The following MMS19 variants were observed in gnomAD, a reference collection of about 807,000 sequenced individuals.
MMS19 encodes the protein MMS19 cytosolic iron-sulfur assembly component.
Under a neutral mutation model 129.8 loss-of-function variants are expected in MMS19, and 77 were observed. The observed-to-expected ratio is 0.59, with a 90% confidence interval of 0.49 to 0.72. The LOEUF (loss-of-function observed/expected upper bound fraction) is 0.72, where lower values mean the gene tolerates loss of function less well. MMS19 is among the 30% of genes least tolerant of loss of function. MMS19 has a pLI of 0.00. For synonymous variants in MMS19, 491 were observed against 502.8 expected, an observed-to-expected ratio of 0.98 and a Z score of 0.31; for missense variants, 1,168 against 1,266.3, an observed-to-expected ratio of 0.92 and a Z score of 1.18.
chr10:97,464,761 G>T (rs558533313), intron 18 of MMS19, among the ~76,000 whole-genome samples: 1 of 151,142 alleles, frequency 6.6e-6, no homozygotes, highest in African/African-American at 2.4e-5. Context: ...GCAATGGAGC[G>T]ATCTCGGCTT....
At position 97,498,283 on chromosome 10, in the gene MMS19, C is replaced by T. The variant is rs775385641; in HGVS notation, c.102G>A (p.Gln34=). The T allele has an allele frequency of 6.4e-7, 1 of 1,567,184 alleles. No individual in the cohort carries two copies. Among genetic ancestry groups the T allele is most frequent in the Non-Finnish European group, 8.6e-7 (1 of 1,163,770 alleles). ...CGCCGTCTGCCGTACCTGCAGCCACCTGGTCAGCGGGGCCCTCTTGCTGAC... is the reference window on the plus strand; with the variant it reads ...CGCCGTCTGCCGTACCTGCAGCCACTTGGTCAGCGGGGCCCTCTTGCTGAC... ...VVGQQEGPAD[Q]VAADVKSGNY... Residue 34 remains glutamine, a synonymous_variant, in exon 1 of 31, where the codon CAG becomes CAA. Transcript: ENST00000438925.
intron 23 of MMS19, chr10:97,461,248 C>A: frequency 1.6e-6 from 1 of 608,214 alleles, no homozygotes; most frequent in Non-Finnish European, 2.9e-6. Flanking sequence ...CCACACTAGC[C>A]CCACTGTAGG....
At chr10:97,468,567 A>C (rs1465858688) in intron 12 of MMS19, among the ~76,000 whole-genome samples, 161 bp from the exon 13 acceptor site, 1 of 152,194 alleles carries the variant, frequency 6.6e-6, no homozygotes, top group Non-Finnish European at 1.5e-5. Context: ...CAAATCACCA[A>C]ATATGTTGGG....
At position 97,484,094 on chromosome 10, in the gene MMS19, G is replaced by A; in HGVS notation, c.161+9C>T. 1.3e-6 allele frequency: 2 copies of A among 1,531,986 alleles called. No individual in the cohort carries two copies. Among genetic ancestry groups the A allele is most frequent in the Non-Finnish European group, 1.8e-6 (2 of 1,127,028 alleles). The allele number at this position is 1,531,986 out of a possible 1,614,324, so 94.9% of individuals were successfully genotyped here. A position where few individuals can be genotyped will look rare whatever the true frequency, so the allele number is the denominator to read the frequency against. Reference sequence around the variant, plus strand: ...TTGGAGAAGAACATTCTATAGCAGAGGCTCTTACCCAAGGGCTTCCACAAC... The same window carrying A: ...TTGGAGAAGAACATTCTATAGCAGAAGCTCTTACCCAAGGGCTTCCACAAC... On this transcript the variant is annotated intron_variant, in intron 2 of 30. Coordinates refer to ENST00000438925, the MANE Select transcript of MMS19 (RefSeq NM_022362.5).
At chr10:97,497,376 A>C (rs2039993660) in intron 1 of MMS19, among the ~76,000 whole-genome samples, 1 of 152,198 alleles carries the variant, frequency 6.6e-6, no homozygotes, top group African/African-American at 2.4e-5. Context: ...TAATACGCTC[A>C]ATATCCAAGA....
At position 97,458,669 on chromosome 10, in the gene MMS19, C is replaced by A; in HGVS notation, c.*23G>T. Reference sequence around the variant, plus strand: ...GTAATCCCAGGTTAGATTGTCAGAACAGTCTAGGCCAGGACTGAGGGCTCA... The same window carrying A: ...GTAATCCCAGGTTAGATTGTCAGAAAAGTCTAGGCCAGGACTGAGGGCTCA... On this transcript the variant is annotated 3_prime_UTR_variant, in exon 31 of 31. Coordinates refer to ENST00000438925, the MANE Select transcript of MMS19 (RefSeq NM_022362.5). The A allele has an allele frequency of 6.3e-7, 1 of 1,597,640 alleles. No individual in the cohort carries two copies. The highest frequency in any genetic ancestry group is 8.5e-7 in the Non-Finnish European group (1 of 1,172,004).
chr10:97,473,900 T>C (rs1386524390), intron 8 of MMS19, among the ~76,000 whole-genome samples: 1 of 151,820 alleles, frequency 6.6e-6, no homozygotes, highest in Non-Finnish European at 1.5e-5. Flanking sequence ...CCCAACACTT[T>C]GGGAAGTCGA....
intron 20 of MMS19, 26 bp from the exon 21 acceptor site, chr10:97,462,145 C>CG (rs1365872407): frequency 6.0e-6 from 9 of 1,512,536 alleles, no homozygotes; most frequent in Non-Finnish European, 8.1e-6. Flanking sequence ...TAGGTATGAC[C>CG]AAGGAGCTAG....
chr10:97,497,520 T>C (rs1055263383), intron 1 of MMS19, among the ~76,000 whole-genome samples: 3 of 143,166 alleles, frequency 2.1e-5, no homozygotes, highest in South Asian at 2.2e-4. Flanking sequence ...AACTTTTTAG[T>C]AGTTTTTTTT....
chr10:97,471,134 C>T (rs759264324), intron 8 of MMS19, among the ~76,000 whole-genome samples: 10 of 152,272 alleles, frequency 6.6e-5, no homozygotes, highest in South Asian at 6.2e-4. Flanking sequence ...TTCCTTTCTT[C>T]GCTGATATAT....
intron 27 of MMS19, 49 bp from the exon 28 acceptor site, chr10:97,459,575 G>A: frequency 6.2e-7 from 1 of 1,604,244 alleles, no homozygotes; most frequent in Non-Finnish European, 8.5e-7. Flanking sequence ...TGAAGATCCT[G>A]GTTCTTGTTC....
At chr10:97,460,859 A>G in intron 24 of MMS19, 48 bp downstream of exon 24, 1 of 1,535,346 alleles carries the variant, frequency 6.5e-7, no homozygotes, top group Non-Finnish European at 8.9e-7. Context: ...TTATTTAACC[A>G]GACATAATTG....
rs764966243 is a variant in MMS19, at chr10:97,476,902, C to T, written c.555G>A (p.Lys185=). ...FGFIQVMDGE[K]DPRNLLVAFR... ...AGGCCACCAGAAGATTACGGGGATC[C>T]TTTTCCCCATCCATCACCTGGATGA... Residue 185 remains lysine (K), a synonymous_variant, in exon 7 of 31, where the codon AAG becomes AAA. Transcript: ENST00000438925. The T allele has an allele frequency of 1.2e-6, 2 of 1,613,956 alleles. No homozygotes were observed. The highest frequency in any genetic ancestry group is 1.7e-5 in the Admixed American group (1 of 60,016).
In MMS19 at chr10:97,479,925, T is replaced by C. The variant is rs138526321; in HGVS notation, c.262+1017A>G. Among the ~76,000 whole-genome samples the C allele has an allele frequency of 2.5e-3, 377 of 152,010 alleles. 3 individuals are homozygous for C. The highest frequency in any genetic ancestry group is 8.2e-3 in the African/African-American group (342 of 41,466). The stretch of plus-strand genomic sequence containing the variant: ...GTTTTTAAAAGCATCTCCAGAAAAG[T>C]TTCCTGTAAAGCCCTGGCTCTTAGT... On this transcript the variant is annotated intron_variant, in intron 3 of 30. Coordinates refer to ENST00000438925, the MANE Select transcript of MMS19 (RefSeq NM_022362.5).
In MMS19 at chr10:97,476,904, T is replaced by C; in HGVS notation, c.553A>G (p.Lys185Glu). The C allele has an allele frequency of 6.2e-7, 1 of 1,613,934 alleles. No homozygotes were observed. The highest frequency in any genetic ancestry group is 8.5e-7 in the Non-Finnish European group (1 of 1,179,862). ...FGFIQVMDGE[K>E]DPRNLLVAFR... The stretch of plus-strand genomic sequence containing the variant: ...GCCACCAGAAGATTACGGGGATCCT[T>C]TTCCCCATCCATCACCTGGATGAAG... Residue 185 changes from lysine to glutamate, a missense_variant, in exon 7 of 31, where the codon AAG (lysine) becomes GAG (glutamate). By Grantham distance (56) the Lys-to-Glu change is moderately conservative. Around this residue, in one of 3 missense-constraint regions of MMS19, gnomAD observed 329 missense variants for 328.6 expected, o/e 1.00. Coordinates refer to ENST00000438925, the MANE Select transcript of MMS19 (RefSeq NM_022362.5).
chr10:97,468,666 T>C (rs1201584728), intron 12 of MMS19, among the ~76,000 whole-genome samples: 2 of 152,092 alleles, frequency 1.3e-5, no homozygotes, highest in Admixed American at 6.6e-5. Flanking sequence ...CAAGCTGGAG[T>C]GCAGTGGCGC....
Position 97,466,845 on chromosome 10 carries a change from G to T in MMS19, c.1354C>A (p.Leu452Ile). ...TGAAGCTGGGTGCTGGGGTCTGTTA[G>T]AGCCATGAATACCAGTGAGCACAGC... ...DQLCSLVFMA[L>I]TDPSTQLQLV... The change falls in exon 15 of 31, where the codon CTA becomes ATA. Residue 452 changes from leucine to isoleucine, a missense_variant. Coordinates refer to ENST00000438925, the MANE Select transcript of MMS19 (RefSeq NM_022362.5). The T allele has an allele frequency of 6.2e-7, 1 of 1,614,022 alleles. No homozygotes were observed. Among genetic ancestry groups the T allele is most frequent in the African/African-American group, 1.3e-5 (1 of 75,048 alleles).
chr10:97,463,997 T>C lies in MMS19; in HGVS notation c.1773A>G (p.Gln591=), dbSNP rs145105854. Residue 591 remains glutamine, a synonymous_variant, in exon 19 of 31, where the codon CAA becomes CAG. Transcript: ENST00000438925. ...WQVNRGNMVA[Q]SSDVIAVCQS... ...GACAGACAGCAATAACGTCACTGGA[T>C]TGTGCAACCATATTCCCTGTTGATG... is the stretch of plus-strand genomic sequence containing the variant. 9.5e-5 allele frequency: 154 copies of C among 1,612,944 alleles called. 2 individuals carry two copies. Among genetic ancestry groups the C allele is most frequent in the African/African-American group, 2.1e-4 (16 of 74,922 alleles).
At chr10:97,498,435 G>C, upstream of MMS19, 1 of 1,549,854 alleles carries the variant, frequency 6.5e-7, no homozygotes, top group East Asian at 2.4e-5. Context: ...CTCGAGACGG[G>C]CTCTCCGCGC....
Sources: gnomAD v4.1 joint callset for allele counts (sites outside exome capture counted in the v4.1 genomes callset) on GRCh38, gnomAD v4.1.1 for gene constraint, gnomAD v4.1.1 regional missense constraint, MANE v1.5 for transcripts, NCBI Gene and HGNC (gene_info 2026-07-23, HGNC 2026-07-21) for gene names.